The following ZNF69 variants were observed in gnomAD, a reference collection of about 807,000 sequenced individuals.
ZNF69 encodes the protein zinc finger protein 69.
In ZNF69, 47 loss-of-function variants were observed where a neutral mutation model predicts 50.9. The ratio of observed to expected loss-of-function variants is 0.92; its 90% CI spans 0.73 to 1.18. The LOEUF (loss-of-function observed/expected upper bound fraction) is 1.18, where lower values mean the gene tolerates loss of function less well. Ranked by LOEUF, ZNF69 falls within the 50% of genes most tolerant of loss-of-function variation. ZNF69 has a pLI of 0.00. For synonymous variants in ZNF69, 216 were observed against 223.1 expected, an observed-to-expected ratio of 0.97 and a Z score of 0.29; for missense variants, 717 against 675.1, an observed-to-expected ratio of 1.06 and a Z score of -0.69.
At chr19:11,934,153 G>A in the ZNF69 span, among the ~76,000 whole-genome samples, 3 of 147,866 alleles carry the variant, frequency 2.0e-5, no homozygotes, top group Non-Finnish European at 4.4e-5. Flanking sequence ...AGAACAGCCT[G>A]GTAGATACAG....
chr19:11,978,493 G>A, the ZNF69 span: 100 of 1,614,070 alleles, frequency 6.2e-5, no homozygotes, highest in Non-Finnish European at 7.1e-5. Context: ...ATTCGAAGAC[G>A]CATGGTAATG....
At chr19:11,958,730 G>GT in the ZNF69 span, among the ~76,000 whole-genome samples, 7 of 152,198 alleles carry the variant, frequency 4.6e-5, no homozygotes, top group African/African-American at 1.7e-4. Flanking sequence ...TTGGGAATGT[G>GT]TAACTATTGG....
chr19:11,927,445 A>C, the ZNF69 span, among the ~76,000 whole-genome samples: 2 of 150,888 alleles, frequency 1.3e-5, no homozygotes, highest in Non-Finnish European at 3.0e-5. Flanking sequence ...TAAATAAATA[A>C]ATAAATAAAT....
In ZNF69 at chr19:11,905,347, A is replaced by G. The variant is rs574994508; in HGVS notation, c.950A>G (p.Gln317Arg). 6.6e-5 allele frequency: 107 copies of G among 1,614,130 alleles called. No individual in the cohort carries two copies. In the East Asian group the frequency reaches 8.2e-4, roughly 12 times the overall value. Reference sequence around the variant, plus strand: ...TGTGGAAAAGCATTCACGTGTCCCCAGTATGTTCGTATACATGAAAGGACC... The same window carrying G: ...TGTGGAAAAGCATTCACGTGTCCCCGGTATGTTCGTATACATGAAAGGACC... ...KECGKAFTCP[Q>R]YVRIHERTHS... The change falls in exon 4 of 4, where the codon CAG (glutamine) becomes CGG (arginine). Residue 317 changes from glutamine to arginine, a missense_variant. Physicochemically the swap from Gln to Arg is conservative, Grantham distance 43. Coordinates refer to ENST00000429654, the MANE Select transcript of ZNF69 (RefSeq NM_001364730.1).
chr19:11,950,859 G>C, the ZNF69 span: 1 of 172,086 alleles, frequency 5.8e-6, no homozygotes, highest in Admixed American at 6.0e-5. Flanking sequence ...CTCATGGAAA[G>C]TTTACTTTTT....
the ZNF69 span, chr19:11,965,269 G>T: frequency 4.3e-6 from 7 of 1,611,822 alleles, no homozygotes; most frequent in Non-Finnish European, 5.9e-6. Context: ...GAACCGGCCG[G>T]AACCGGCTGC....
At chr19:11,974,109 CTTTCTTTCTTTCTTTCT>C in the ZNF69 span, among the ~76,000 whole-genome samples, 292 of 67,980 alleles carry the variant, frequency 4.3e-3, no homozygotes, top group South Asian at 0.01. Context: ...TTCTTTCTTT[CTTTCTTTCTTTCTTTCT>C]TTTCTTTCTT....
chr19:11,937,645 C>G, the ZNF69 span, among the ~76,000 whole-genome samples: 1 of 151,792 alleles, frequency 6.6e-6, no homozygotes, highest in African/African-American at 2.4e-5. Context: ...CCTACCACCA[C>G]GCTTGGCTAA....
At chr19:11,974,426 A>T in the ZNF69 span, among the ~76,000 whole-genome samples, 1 of 151,684 alleles carries the variant, frequency 6.6e-6, no homozygotes, top group African/African-American at 2.4e-5. Flanking sequence ...CAAATTTCTG[A>T]CCTCAGGTGA....
At chr19:11,933,712 A>AT in the ZNF69 span, among the ~76,000 whole-genome samples, 1 of 147,604 alleles carries the variant, frequency 6.8e-6, no homozygotes, top group Non-Finnish European at 1.5e-5. Flanking sequence ...CAACTCATGT[A>AT]TTTTTTATTT....
chr19:11,955,281 C>T, the ZNF69 span, among the ~76,000 whole-genome samples: 256 of 151,966 alleles, frequency 1.7e-3, 3 homozygotes, highest in African/African-American at 5.8e-3. Context: ...GGGATACAGG[C>T]GTGAGATACC....
At chr19:11,969,333 G>A in the ZNF69 span, among the ~76,000 whole-genome samples, 1 of 152,204 alleles carries the variant, frequency 6.6e-6, no homozygotes, top group Non-Finnish European at 1.5e-5. Context: ...TTGAACTTCT[G>A]TCCTCAAGTG....
chr19:11,904,559 C>G lies in ZNF69; in HGVS notation c.252-90C>G, dbSNP rs571570781. On this transcript the variant is annotated intron_variant, in intron 3 of 3. Coordinates refer to ENST00000429654, the MANE Select transcript of ZNF69 (RefSeq NM_001364730.1). ...GGCAGAAAGCCTACACTTTGATGGA[C>G]AGTGTTAAAAATGCAAGTTCAGTAC... is the stretch of plus-strand genomic sequence containing the variant. 2.2e-4 allele frequency: 331 copies of G among 1,495,772 alleles called. 4 individuals carry two copies. The South Asian group carries it at 2.8e-3, about 13-fold the overall frequency. The allele number at this position is 1,495,772 out of a possible 1,614,324, so 92.7% of individuals were successfully genotyped here.
the ZNF69 span, chr19:11,926,680 C>T: frequency 5.4e-3 from 838 of 154,400 alleles, 6 homozygotes; most frequent in African/African-American, 0.02. Context: ...TGAGCCATCT[C>T]GCCGGGCCAG....
At chr19:11,947,063 G>A in the ZNF69 span, 132 of 1,457,532 alleles carry the variant, frequency 9.1e-5, no homozygotes, top group South Asian at 5.3e-4. Flanking sequence ...TCTGATAACC[G>A]AAGCAGGGAA....
chr19:11,908,600 A>G (rs1463607542), downstream of ZNF69, among the ~76,000 whole-genome samples: 1 of 152,232 alleles, frequency 6.6e-6, no homozygotes, highest in African/African-American at 2.4e-5. Context: ...GAAGGCAGAA[A>G]TAAAGATGTT....
the ZNF69 span, among the ~76,000 whole-genome samples, chr19:11,932,549 A>G: frequency 4.1e-5 from 6 of 147,258 alleles, no homozygotes; most frequent in Middle Eastern, 3.4e-3. Context: ...TAACTGCCTT[A>G]CTTTTCTTTA....
chr19:11,947,395 C>T, the ZNF69 span: 11 of 1,604,668 alleles, frequency 6.9e-6, no homozygotes, highest in Non-Finnish European at 9.3e-6. Flanking sequence ...TGAACATAGA[C>T]AGGAAATACC....
In ZNF69 at chr19:11,903,921, C is replaced by A. The variant is rs1483694330; in HGVS notation, c.207C>A (p.Asp69Glu). 1.2e-6 allele frequency: 2 copies of A among 1,613,842 alleles called. No individual in the cohort carries two copies. The highest frequency in any genetic ancestry group is 1.7e-6 in the Non-Finnish European group (2 of 1,179,914). ...NLTSVGKSWK[D>E]QNIEYEYQNP... The stretch of plus-strand genomic sequence containing the variant: ...ATATTTTAGGAAAAAGTTGGAAAGA[C>A]CAGAACATTGAATATGAGTACCAAA... Residue 69 changes from aspartate (D) to glutamate (E), a missense_variant, in exon 3 of 4, where the codon GAC (aspartate) becomes GAA (glutamate). Transcript: ENST00000429654.
Sources: gnomAD v4.1 joint callset for allele counts (sites outside exome capture counted in the v4.1 genomes callset) on GRCh38, gnomAD v4.1.1 for gene constraint, MANE v1.5 for transcripts, NCBI Gene and HGNC (gene_info 2026-07-23, HGNC 2026-07-21) for gene names.